The following EYS variants were observed in gnomAD, a reference collection of about 807,000 sequenced individuals.
EYS encodes the protein protein eyes shut homolog.
Under a neutral mutation model 282.1 loss-of-function variants are expected in EYS, and 250 were observed. The observed-to-expected ratio is 0.89, with a 90% CI of 0.80 to 0.98. The LOEUF is 0.98. Among genes scored for constraint, EYS ranks in the 50% least tolerant of loss-of-function variants. EYS has a pLI of 0.00. For synonymous variants in EYS, 1,355 were observed against 1,282.9 expected (o/e 1.06, Z -1.20); for missense variants, 4,016 against 3,709.0 (o/e 1.08, Z -2.15).
chr6:65,012,606 A>G (rs905022263), intron 13 of EYS, among the ~76,000 whole-genome samples: 7 of 152,146 alleles, frequency 4.6e-5, no homozygotes, highest in African/African-American at 1.7e-4. Context: ...TAGTTGTTTG[A>G]GAAATTACAA....
chr6:63,932,888 G>T (rs1309719824), intron 35 of EYS, among the ~76,000 whole-genome samples: 1 of 152,218 alleles, frequency 6.6e-6, no homozygotes, highest in Non-Finnish European at 1.5e-5. Flanking sequence ...CACTTCAGAT[G>T]CCAGTCACAA....
chr6:64,259,073 T>G (rs1767495578), intron 30 of EYS, among the ~76,000 whole-genome samples: 1 of 152,070 alleles, frequency 6.6e-6, no homozygotes, highest in South Asian at 2.1e-4. Context: ...TAACCCTGCT[T>G]TCAGAAGAAC....
intron 30 of EYS, among the ~76,000 whole-genome samples, chr6:64,282,596 A>G (rs1379918080): frequency 2.0e-5 from 3 of 152,148 alleles, no homozygotes; most frequent in African/African-American, 7.2e-5. Flanking sequence ...TGGGAGAGAA[A>G]CAAGCTATTC....
chr6:65,051,978 T>C (rs1773283262), intron 13 of EYS, among the ~76,000 whole-genome samples: 1 of 151,588 alleles, frequency 6.6e-6, no homozygotes, highest in Non-Finnish European at 1.5e-5. Flanking sequence ...AAATACTTCA[T>C]TGGTAAGTAA....
intron 35 of EYS, among the ~76,000 whole-genome samples, chr6:63,944,995 T>G (rs894023262): frequency 6.6e-6 from 1 of 152,104 alleles, no homozygotes; most frequent in Non-Finnish European, 1.5e-5. Context: ...TTGATCACTT[T>G]AGTAAAAAAA....
chr6:64,003,521 A>G (rs1301801667), intron 33 of EYS, among the ~76,000 whole-genome samples: 7 of 152,224 alleles, frequency 4.6e-5, no homozygotes, highest in Admixed American at 6.5e-5. Context: ...TGATTTACAC[A>G]TTGTGTATCT....
At chr6:64,266,558 A>G (rs1767766197) in intron 30 of EYS, among the ~76,000 whole-genome samples, 1 of 152,160 alleles carries the variant, frequency 6.6e-6, no homozygotes. Flanking sequence ...TTAAGACCTT[A>G]TATACCAATT....
chr6:63,788,190 G>A lies in EYS; in HGVS notation c.7638C>T (p.Val2546=). Reference sequence around the variant, plus strand: ...AGCCACCTACATAAAACTGACTGAAGACATTGAGACCAACCAGTCTTCCTG... The same window carrying A: ...AGCCACCTACATAAAACTGACTGAAAACATTGAGACCAACCAGTCTTCCTG... ...IAPGRLVGLN[V]FSQFYVGGYS... Residue 2546 remains valine (V), a synonymous_variant, in exon 39 of 43, where the codon GTC becomes GTT. Coordinates refer to ENST00000503581, the MANE Select transcript of EYS (RefSeq NM_001142800.2). The A allele has an allele frequency of 6.5e-7, 1 of 1,547,762 alleles. No individual in the cohort carries two copies. The highest frequency in any genetic ancestry group is 1.2e-5 in the South Asian group (1 of 83,020).
In EYS at chr6:64,591,601, G is replaced by C; in HGVS notation, c.4266C>G (p.Thr1422=). Residue 1422 remains threonine, a synonymous_variant, in exon 26 of 43, where the codon ACC becomes ACG. Transcript: ENST00000503581. The stretch of plus-strand genomic sequence containing the variant: ...TGCTTCTAATTACTGAAGTCGTTGG[G>C]GTAGCAGATAAAGCAACAGTCTGAC... ...ENCQTVALSA[T]PTTSVIRSIP... 1 of 1,551,074 alleles carries C rather than the reference G, an allele frequency of 6.4e-7. No homozygotes were observed. The highest frequency in any genetic ancestry group is 8.7e-7 in the Non-Finnish European group (1 of 1,146,680).
intron 26 of EYS, among the ~76,000 whole-genome samples, chr6:64,547,412 A>G (rs1764913555): frequency 1.3e-5 from 2 of 152,104 alleles, no homozygotes; most frequent in Admixed American, 1.3e-4. Flanking sequence ...CACAAAAGTT[A>G]TCCACCTCCC....
intron 12 of EYS, among the ~76,000 whole-genome samples, chr6:65,258,759 T>C (rs1172960376): frequency 1.3e-5 from 2 of 151,942 alleles, no homozygotes; most frequent in African/African-American, 2.4e-5. Flanking sequence ...ATACTCAGAG[T>C]TTCTCAAAAC....
At chr6:64,781,052 C>T (rs1329813075) in intron 22 of EYS, among the ~76,000 whole-genome samples, 1 of 151,938 alleles carries the variant, frequency 6.6e-6, no homozygotes, top group Non-Finnish European at 1.5e-5. Flanking sequence ...AGAGGTGGTA[C>T]TCAAGACTCA....
intron 30 of EYS, among the ~76,000 whole-genome samples, chr6:64,236,851 G>A (rs1442206535): frequency 6.6e-6 from 1 of 151,294 alleles, no homozygotes; most frequent in African/African-American, 2.4e-5. Context: ...TGCCGGGATA[G>A]ATACCTAATG....
intron 12 of EYS, among the ~76,000 whole-genome samples, chr6:65,086,217 G>A (rs1029497785): frequency 3.9e-5 from 6 of 152,058 alleles, no homozygotes; most frequent in African/African-American, 1.4e-4. Context: ...TTGAGAGGCT[G>A]AGGCAGGAGA....
At chr6:65,479,313 T>A (rs1474809902) in intron 5 of EYS, among the ~76,000 whole-genome samples, 3 of 152,206 alleles carry the variant, frequency 2.0e-5, no homozygotes, top group Non-Finnish European at 1.5e-5. Flanking sequence ...TCTGGTAGAA[T>A]TTTTAAAATA....
intron 31 of EYS, among the ~76,000 whole-genome samples, chr6:64,209,984 A>G (rs1458824572): frequency 6.6e-6 from 1 of 152,138 alleles, no homozygotes; most frequent in Non-Finnish European, 1.5e-5. Context: ...TGCCTGTTTA[A>G]TAACTCCTTA....
intron 36 of EYS, among the ~76,000 whole-genome samples, chr6:63,852,268 A>G (rs1003605990): frequency 6.6e-6 from 1 of 152,076 alleles, no homozygotes; most frequent in Non-Finnish European, 1.5e-5. Flanking sequence ...GAAGAATCAA[A>G]TATACACAAT....
At chr6:64,920,534 C>A (rs7775302) in intron 15 of EYS, among the ~76,000 whole-genome samples, 108,886 of 151,960 alleles carry the variant, frequency 0.72, 40,011 homozygotes, top group African/African-American at 0.89. Flanking sequence ...GTAGCAAGTC[C>A]AAGTAAGTCT....
At chr6:63,992,950 T>A (rs769644305) in intron 34 of EYS, among the ~76,000 whole-genome samples, 9 of 151,818 alleles carry the variant, frequency 5.9e-5, no homozygotes, top group Non-Finnish European at 1.0e-4. Flanking sequence ...GCTGTTCTTG[T>A]GAAAGCGGCA....
Sources: gnomAD v4.1 joint callset for allele counts (sites outside exome capture counted in the v4.1 genomes callset) on GRCh38, gnomAD v4.1.1 for gene constraint, MANE v1.5 for transcripts, NCBI Gene and HGNC (gene_info 2026-07-23, HGNC 2026-07-21) for gene names.